NELL1: variants seen among roughly 807,000 people sequenced by gnomAD.
The protein encoded by NELL1 is protein kinase C-binding protein NELL1.
NELL1 carries 76 observed loss-of-function variants against 107.4 expected under a neutral mutation model. That is an observed-to-expected ratio of 0.71 (90% confidence interval 0.59 to 0.86). The LOEUF (loss-of-function observed/expected upper bound fraction) is 0.86, where lower values mean the gene tolerates loss of function less well. Among genes scored for constraint, NELL1 ranks in the 40% least tolerant of loss-of-function variants. The pLI, the probability that NELL1 is intolerant of heterozygous loss-of-function variation, is 0.00. For synonymous variants in NELL1, 353 were observed against 341.2 expected (o/e 1.03, Z -0.38); for missense variants, 1,024 against 1,005.5 (o/e 1.02, Z -0.25).
chr11:20,937,188 A>G (rs1269475587), intron 9 of NELL1, among the ~76,000 whole-genome samples: 6 of 152,208 alleles, frequency 3.9e-5, no homozygotes, highest in Non-Finnish European at 5.9e-5. Flanking sequence ...ATTTTCTACA[A>G]GTTCACCCCC....
intron 13 of NELL1, among the ~76,000 whole-genome samples, chr11:21,149,387 A>G (rs1590682071): frequency 6.6e-6 from 1 of 152,210 alleles, no homozygotes; most frequent in African/African-American, 2.4e-5. Context: ...GTGGCTGGGG[A>G]GGCCTCACAA....
Position 21,573,299 on chromosome 11 carries a change from A to G in NELL1, c.2272A>G (p.Asn758Asp), listed in dbSNP as rs1355682106. The G allele has an allele frequency of 7.4e-6, 12 of 1,612,352 alleles. No homozygotes were observed. The highest frequency in any genetic ancestry group is 9.3e-6 in the Non-Finnish European group (11 of 1,178,880). Residue 758 changes from asparagine to aspartate, a missense_variant, in exon 19 of 20, where the codon AAC becomes GAC. By Grantham distance (23) the Asn-to-Asp change is conservative (BLOSUM62 1). Transcript: ENST00000357134. ...RCVSDPCLAD[N>D]ITYDIRKTCL... is the part of the protein sequence containing the mutation. ...TGTCAGTGACCCCTGCCTAGCTGATAACATCACCTATGACATCAGAAAAAC... is the reference window on the plus strand; with the variant it reads ...TGTCAGTGACCCCTGCCTAGCTGATGACATCACCTATGACATCAGAAAAAC...
chr11:21,137,522 GA>G (rs1198106392), intron 13 of NELL1, among the ~76,000 whole-genome samples: 1 of 152,160 alleles, frequency 6.6e-6, no homozygotes, highest in Non-Finnish European at 1.5e-5. Context: ...CATTTTGATA[GA>G]AAGTTGGATA....
intron 14 of NELL1, among the ~76,000 whole-genome samples, chr11:21,361,597 TTTC>T (rs1323620752): frequency 1.2e-4 from 19 of 152,256 alleles, no homozygotes; most frequent in Middle Eastern, 3.4e-3. Context: ...CTTTCAGATT[TTTC>T]TTCTTCTTCA....
chr11:21,434,732 A>G (rs1392279629), intron 15 of NELL1, among the ~76,000 whole-genome samples: 3 of 152,106 alleles, frequency 2.0e-5, no homozygotes, highest in African/African-American at 4.8e-5. Context: ...CTGCTTTCAT[A>G]AAGAATGTTA....
At chr11:21,014,097 C>T (rs1852512174) in intron 12 of NELL1, among the ~76,000 whole-genome samples, 1 of 152,036 alleles carries the variant, frequency 6.6e-6, no homozygotes, top group Non-Finnish European at 1.5e-5. Context: ...CAAATGGAGG[C>T]TGTTTCAGTT....
At chr11:21,283,582 A>G (rs964091837) in intron 14 of NELL1, 14 of 152,752 alleles carry the variant, frequency 9.2e-5, no homozygotes, top group African/African-American at 3.4e-4. Context: ...TGTATTTTCT[A>G]CTATATAACA....
At chr11:21,288,996 C>A (rs1018234296) in intron 14 of NELL1, among the ~76,000 whole-genome samples, 1 of 152,178 alleles carries the variant, frequency 6.6e-6, no homozygotes, top group African/African-American at 2.4e-5. Context: ...CCTCTTAAGG[C>A]TCAGACATGA....
chr11:21,574,504 C>T (rs2134017581), intron 19 of NELL1, among the ~76,000 whole-genome samples: 1 of 151,748 alleles, frequency 6.6e-6, no homozygotes, highest in South Asian at 2.1e-4. Context: ...ATGCACTATC[C>T]CCTTCATAGT....
chr11:21,408,943 G>C (rs1345852151), intron 15 of NELL1, among the ~76,000 whole-genome samples: 1 of 151,898 alleles, frequency 6.6e-6, no homozygotes, highest in Non-Finnish European at 1.5e-5. Context: ...AGGTGCTGGA[G>C]AGGATGTGGA....
intron 2 of NELL1, among the ~76,000 whole-genome samples, chr11:20,770,063 C>A (rs1306794883): frequency 6.6e-6 from 1 of 152,060 alleles, no homozygotes; most frequent in East Asian, 1.9e-4. Flanking sequence ...ACGCAAGAAC[C>A]AAATTATTTG....
intron 3 of NELL1, among the ~76,000 whole-genome samples, chr11:20,794,974 C>T (rs1445048896): frequency 6.6e-6 from 1 of 152,222 alleles, no homozygotes; most frequent in African/African-American, 2.4e-5. Context: ...CCAAAGCTGT[C>T]AACCAGAGAA....
At position 21,095,706 on chromosome 11, in the gene NELL1, G is replaced by T. The variant is rs374891426; in HGVS notation, c.1301-17883G>T. Among the ~76,000 whole-genome samples, 37 of 152,208 alleles carry T rather than the reference G, an allele frequency of 2.4e-4. No homozygotes were observed. The East Asian group carries it at 5.6e-3, about 23-fold the overall frequency. On this transcript the variant is annotated intron_variant, in intron 12 of 19. Coordinates refer to ENST00000357134, the MANE Select transcript of NELL1 (RefSeq NM_006157.5). ...GCTCACTACAGCCTCCACCTCCTGG[G>T]TTCAAGTGATTCTCCTGCCTCAGCC...
intron 6 of NELL1, 23 bp from the exon 7 acceptor site, chr11:20,919,229 T>A: frequency 1.5e-6 from 2 of 1,335,048 alleles, no homozygotes; most frequent in East Asian, 2.3e-5. Flanking sequence ...TAAATATATA[T>A]GTTTTATATT....
At chr11:21,568,882 A>G (rs1328422169) in intron 17 of NELL1, among the ~76,000 whole-genome samples, 3 of 142,692 alleles carry the variant, frequency 2.1e-5, no homozygotes, top group Admixed American at 7.1e-5. Context: ...TTTTTTTTTT[A>G]TAAGTAGGAA....
chr11:20,756,744 T>G (rs573587194), intron 2 of NELL1, among the ~76,000 whole-genome samples: 1 of 152,076 alleles, frequency 6.6e-6, no homozygotes, highest in South Asian at 2.1e-4. Flanking sequence ...TGCCGGTAGG[T>G]TCCCCCAGAT....
rs367642526 is a variant in NELL1 at position 21,575,057 on chromosome 11, C to T, written c.*35C>T. ...AGTGGACTCAACGCAGAAGAATGGA[C>T]GAAATGACCATCCAACGTGATTAAG... On this transcript the variant is annotated 3_prime_UTR_variant, in exon 20 of 20. Coordinates refer to ENST00000357134, the MANE Select transcript of NELL1 (RefSeq NM_006157.5). 3.6e-5 allele frequency: 55 copies of T among 1,543,726 alleles called. No homozygotes were observed. The highest frequency in any genetic ancestry group is 3.0e-4 in the Admixed American group (18 of 59,484).
At chr11:21,132,491 C>T (rs965322875) in intron 13 of NELL1, among the ~76,000 whole-genome samples, 1 of 152,164 alleles carries the variant, frequency 6.6e-6, no homozygotes, top group Non-Finnish European at 1.5e-5. Context: ...AGCACACAGT[C>T]CAGGCACTGC....
chr11:21,124,493 G>A (rs1855444616), intron 13 of NELL1, among the ~76,000 whole-genome samples: 1 of 152,140 alleles, frequency 6.6e-6, no homozygotes, highest in Admixed American at 6.6e-5. Context: ...CTGACACTGG[G>A]TAGCTTATAA....
Sources: gnomAD v4.1 joint callset for allele counts (sites outside exome capture counted in the v4.1 genomes callset) on GRCh38, gnomAD v4.1.1 for gene constraint, MANE v1.5 for transcripts, NCBI Gene and HGNC (gene_info 2026-07-23, HGNC 2026-07-21) for gene names.